CACNA2D3: variants seen among roughly 807,000 people sequenced by gnomAD.
CACNA2D3 encodes the protein calcium voltage-gated channel auxiliary subunit alpha2delta 3.
CACNA2D3 carries 60 observed loss-of-function variants against 160.6 expected under a neutral mutation model. That is an observed-to-expected ratio of 0.37 (90% CI 0.30 to 0.46). The LOEUF (loss-of-function observed/expected upper bound fraction) is 0.46, where lower values mean the gene tolerates loss of function less well. Ranked by LOEUF, CACNA2D3 falls within the 20% of genes least tolerant of loss-of-function variation. The probability of loss-of-function intolerance (pLI) is 1.00; values close to 1 mark genes in which losing one functional copy is unlikely to be tolerated. For synonymous variants in CACNA2D3, 558 were observed against 492.9 expected (o/e 1.13, Z -1.75); for missense variants, 1,205 against 1,365.0 (o/e 0.88, Z 1.85).
intron 35 of CACNA2D3, among the ~76,000 whole-genome samples, chr3:55,069,859 C>T (rs1467074787): frequency 6.6e-6 from 1 of 152,152 alleles, no homozygotes; most frequent in East Asian, 1.9e-4. Flanking sequence ...ACATAATGGT[C>T]ACCAAAAAAT....
chr3:54,919,679 A>G (rs548857450), intron 27 of CACNA2D3, among the ~76,000 whole-genome samples: 1 of 152,330 alleles, frequency 6.6e-6, no homozygotes, highest in African/African-American at 2.4e-5. Context: ...TAGTGTGACC[A>G]CTGATTTACT....
chr3:54,869,476 G>A (rs762101647), intron 17 of CACNA2D3, among the ~76,000 whole-genome samples: 7 of 152,190 alleles, frequency 4.6e-5, no homozygotes, highest in Non-Finnish European at 1.0e-4. Flanking sequence ...CAATAAATGT[G>A]CATTGAATAA....
chr3:54,510,527 T>G (rs1701443892), intron 5 of CACNA2D3, among the ~76,000 whole-genome samples: 1 of 152,184 alleles, frequency 6.6e-6, no homozygotes, highest in Non-Finnish European at 1.5e-5. Flanking sequence ...TTATGCTTCC[T>G]GCCTAAGGCT....
At chr3:54,441,326 T>A (rs200884705) in intron 4 of CACNA2D3, among the ~76,000 whole-genome samples, 27 of 152,274 alleles carry the variant, frequency 1.8e-4, no homozygotes, top group African/African-American at 5.3e-4. Context: ...CCACTTTTTG[T>A]TGGGGTTGTT....
At chr3:54,691,382 T>A (rs1219787609) in intron 11 of CACNA2D3, among the ~76,000 whole-genome samples, 1 of 152,178 alleles carries the variant, frequency 6.6e-6, no homozygotes, top group East Asian at 1.9e-4. Flanking sequence ...GAAGACTCCA[T>A]ACAAACAGCT....
At chr3:54,914,981 A>G (rs1478371106) in intron 27 of CACNA2D3, among the ~76,000 whole-genome samples, 1 of 152,198 alleles carries the variant, frequency 6.6e-6, no homozygotes, top group Non-Finnish European at 1.5e-5. Context: ...ACTTCCTTTG[A>G]TATTTAGGAT....
At chr3:54,141,964 A>G (rs965521157) in intron 2 of CACNA2D3, among the ~76,000 whole-genome samples, 1 of 152,250 alleles carries the variant, frequency 6.6e-6, no homozygotes, top group African/African-American at 2.4e-5. Flanking sequence ...AGAATCAGGC[A>G]TATCTCAAAT....
chr3:54,905,496 G>A (rs191198786), intron 27 of CACNA2D3, among the ~76,000 whole-genome samples: 1 of 152,192 alleles, frequency 6.6e-6, no homozygotes, highest in Non-Finnish European at 1.5e-5. Flanking sequence ...TAACTAGTAT[G>A]TCAGAAAGTG....
At chr3:54,995,044 G>C (rs368207852) in intron 31 of CACNA2D3, among the ~76,000 whole-genome samples, 4 of 152,172 alleles carry the variant, frequency 2.6e-5, no homozygotes, top group African/African-American at 9.6e-5. Context: ...TGCAATCTTG[G>C]CTTACTGCAA....
intron 13 of CACNA2D3, among the ~76,000 whole-genome samples, chr3:54,782,952 C>G (rs1044667797): frequency 2.6e-5 from 4 of 152,160 alleles, no homozygotes; most frequent in Middle Eastern, 3.2e-3. Flanking sequence ...ACACCAGACC[C>G]TGTGTTACGA....
At chr3:55,038,861 A>G (rs1377144555) in intron 35 of CACNA2D3, among the ~76,000 whole-genome samples, 10 of 92,658 alleles carry the variant, frequency 1.1e-4, no homozygotes, top group Non-Finnish European at 2.2e-4. Flanking sequence ...AGTAGCCAGG[A>G]TGCTATATAT....
chr3:54,533,329 TTCC>T, intron 5 of CACNA2D3, among the ~76,000 whole-genome samples: 1 of 113,794 alleles, frequency 8.8e-6, no homozygotes, highest in Non-Finnish European at 1.7e-5. Context: ...TTTCTTTTCT[TTCC>T]TTTTTTTTTT....
intron 2 of CACNA2D3, among the ~76,000 whole-genome samples, chr3:54,303,044 G>C (rs1489533572): frequency 6.6e-6 from 1 of 152,106 alleles, no homozygotes; most frequent in Non-Finnish European, 1.5e-5. Context: ...GGTAACAGCA[G>C]ATCCTCAGAG....
chr3:54,719,180 T>TTA (rs1701123791), intron 11 of CACNA2D3, among the ~76,000 whole-genome samples: 1 of 148,040 alleles, frequency 6.8e-6, no homozygotes, highest in East Asian at 1.9e-4. Context: ...TTTTTTTTTT[T>TTA]ATCTTGTTAC....
At chr3:54,994,674 A>C (rs1393462608) in intron 31 of CACNA2D3, among the ~76,000 whole-genome samples, 1 of 152,216 alleles carries the variant, frequency 6.6e-6, no homozygotes, top group African/African-American at 2.4e-5. Context: ...GTTAACATGC[A>C]TTACCTTAAT....
At chr3:54,412,610 C>CCTTGTTCTTTTTTTTTTT (rs1699687048) in intron 4 of CACNA2D3, among the ~76,000 whole-genome samples, 1 of 120,618 alleles carries the variant, frequency 8.3e-6, no homozygotes, top group African/African-American at 3.0e-5. Flanking sequence ...TGGTCTTGTT[C>CCTTGTTCTTTTTTTTTTT]TTTTTTTTTT....
intron 3 of CACNA2D3, among the ~76,000 whole-genome samples, chr3:54,341,063 C>A (rs1048354773): frequency 6.6e-6 from 1 of 152,228 alleles, no homozygotes; most frequent in East Asian, 1.9e-4. Flanking sequence ...TTGCCCTGGA[C>A]TTCTTCTGGT....
At chr3:54,466,998 A>G (rs547476381) in intron 4 of CACNA2D3, among the ~76,000 whole-genome samples, 2 of 152,320 alleles carry the variant, frequency 1.3e-5, no homozygotes, top group South Asian at 2.1e-4. Flanking sequence ...TCAGTTCTCA[A>G]TACTAAGAAT....
chr3:54,270,207 A>C (rs578143303), intron 2 of CACNA2D3, among the ~76,000 whole-genome samples: 2 of 152,382 alleles, frequency 1.3e-5, no homozygotes, highest in South Asian at 4.1e-4. Context: ...TTGTAAATAT[A>C]AAAGAGAAAG....
Sources: gnomAD v4.1 joint callset for allele counts (sites outside exome capture counted in the v4.1 genomes callset) on GRCh38, gnomAD v4.1.1 for gene constraint, MANE v1.5 for transcripts, NCBI Gene and HGNC (gene_info 2026-07-23, HGNC 2026-07-21) for gene names.